The following OTUD7A variants were observed in gnomAD, a reference collection of about 807,000 sequenced individuals.
The protein encoded by OTUD7A is OTU deubiquitinase 7A, also known as OTU domain-containing protein 7A.
A neutral mutation model predicts 65.7 loss-of-function variants in OTUD7A; 12 were observed. The observed-to-expected ratio is 0.18, with a 90% confidence interval of 0.12 to 0.30. The LOEUF (loss-of-function observed/expected upper bound fraction) is 0.30. OTUD7A is among the 10% of genes least tolerant of loss of function. OTUD7A has a pLI of 1.00. For synonymous variants in OTUD7A, 641 were observed against 586.3 expected (o/e 1.09, Z -1.35); for missense variants, 1,148 against 1,304.8 (o/e 0.88, Z 1.85).
intron 8 of OTUD7A, among the ~76,000 whole-genome samples, chr15:31,523,637 T>C (rs1318388229): frequency 6.6e-6 from 1 of 152,230 alleles, no homozygotes; most frequent in Non-Finnish European, 1.5e-5. Context: ...TACGGCCCCA[T>C]GTCCTGGCCT....
chr15:31,533,383 G>T (rs1213513065), intron 5 of OTUD7A, among the ~76,000 whole-genome samples: 3 of 151,824 alleles, frequency 2.0e-5, no homozygotes, highest in Non-Finnish European at 4.4e-5. Context: ...ACACAGACAT[G>T]CACCACCAAA....
At chr15:31,565,624 A>C (rs953782025) in intron 4 of OTUD7A, among the ~76,000 whole-genome samples, 5 of 152,236 alleles carry the variant, frequency 3.3e-5, no homozygotes, top group Admixed American at 6.5e-5. Flanking sequence ...AAAAAGGAAA[A>C]GCATAGCAAT....
chr15:31,759,855 T>C (rs7166008), intron 1 of OTUD7A, among the ~76,000 whole-genome samples: 104,877 of 151,920 alleles, frequency 0.69, 36,747 homozygotes, highest in South Asian at 0.8. Context: ...ATAATATTCA[T>C]GCTTTGTCCA....
In OTUD7A at chr15:31,478,050, G is replaced by A. The variant is rs2041050720; in HGVS notation, c.*5244C>T. On this transcript the variant is annotated 3_prime_UTR_variant, in exon 13 of 13. Coordinates refer to ENST00000307050, the MANE Select transcript of OTUD7A (RefSeq NM_001382637.1). ...GGAATGGCATGTGCAAAGGCCCTGA[G>A]GCAGGAGGGTGCCTGTGACTAGAAA... 1 of 152,332 alleles carries A rather than the reference G, an allele frequency of 6.6e-6. No homozygotes were observed. Among genetic ancestry groups the A allele is most frequent in the South Asian group, 2.1e-4 (1 of 4,828 alleles). The allele number at this position is 152,332 out of a possible 1,614,324, so 9.4% of individuals were successfully genotyped here. A position where few individuals can be genotyped will look rare whatever the true frequency, so the allele number is the denominator to read the frequency against.
intron 1 of OTUD7A, among the ~76,000 whole-genome samples, chr15:31,835,513 C>A (rs1163143395): frequency 6.6e-6 from 1 of 152,140 alleles, no homozygotes; most frequent in Non-Finnish European, 1.5e-5. Context: ...ATAATAAGTA[C>A]AAGGCAGCCA....
intron 3 of OTUD7A, among the ~76,000 whole-genome samples, chr15:31,610,348 A>G (rs998482375): frequency 2.0e-5 from 3 of 151,984 alleles, no homozygotes; most frequent in Non-Finnish European, 4.4e-5. Flanking sequence ...TGGCAACACA[A>G]TAAGAGTGGG....
intron 8 of OTUD7A, among the ~76,000 whole-genome samples, chr15:31,510,345 C>G (rs1486824677): frequency 6.6e-6 from 1 of 151,454 alleles, no homozygotes. Context: ...TTTTGGTGTG[C>G]CTGGCTGTCT....
chr15:31,640,082 T>C (rs1332630929), intron 3 of OTUD7A, among the ~76,000 whole-genome samples: 22 of 152,250 alleles, frequency 1.4e-4, no homozygotes. Context: ...AATCTTTTCC[T>C]AAGACAAGGT....
intron 1 of OTUD7A, among the ~76,000 whole-genome samples, chr15:31,685,938 A>C (rs986993402): frequency 2.0e-5 from 3 of 151,130 alleles, no homozygotes; most frequent in Non-Finnish European, 4.4e-5. Context: ...GCAAGCCCCC[A>C]GGGGATTTAA....
chr15:31,634,520 C>T (rs1415982078), intron 3 of OTUD7A, among the ~76,000 whole-genome samples: 1 of 152,252 alleles, frequency 6.6e-6, no homozygotes, highest in East Asian at 1.9e-4. Context: ...CTCCACCCGT[C>T]TCCACCCACC....
chr15:31,754,154 T>C (rs1024674934), intron 1 of OTUD7A, among the ~76,000 whole-genome samples: 1 of 152,224 alleles, frequency 6.6e-6, no homozygotes, highest in African/African-American at 2.4e-5. Context: ...TGTTGGCCAT[T>C]TGTATATCTT....
chr15:31,691,605 TAAATATAAGACCTA>T (rs1892963859), intron 1 of OTUD7A, among the ~76,000 whole-genome samples: 1 of 147,664 alleles, frequency 6.8e-6, no homozygotes, highest in Non-Finnish European at 1.5e-5. Context: ...ATTAAAGGCT[TAAATATAAGACCTA>T]AAATTATGGA....
chr15:31,839,656 C>T (rs756418432), intron 1 of OTUD7A, among the ~76,000 whole-genome samples: 2 of 152,130 alleles, frequency 1.3e-5, no homozygotes, highest in African/African-American at 2.4e-5. Context: ...AGGGACATCC[C>T]GGCTCCATTG....
intron 1 of OTUD7A, among the ~76,000 whole-genome samples, chr15:31,831,093 A>G (rs1873500569): frequency 6.6e-6 from 1 of 152,188 alleles, no homozygotes; most frequent in African/African-American, 2.4e-5. Flanking sequence ...ATGCTGAAAA[A>G]TTTGGGTATC....
At position 31,592,902 on chromosome 15, in the gene OTUD7A, AAAAT is replaced by A. The variant is rs1889778906; in HGVS notation, c.152-22709_152-22706del. On this transcript the variant is annotated intron_variant, in intron 3 of 12. Transcript: ENST00000307050. The stretch of plus-strand genomic sequence containing the variant: ...CTCAAAAAAAAAAAAAAAAAAAAAA[AAAAT>A]ATATATATATATATATATATATATA... 2.3e-4 allele frequency among the ~76,000 whole-genome samples: 11 copies of A among 47,328 alleles called. 1 individual carries two copies. The highest frequency in any genetic ancestry group is 3.4e-4 in the Non-Finnish European group (10 of 29,776). The allele number at this position is 47,328 out of a possible 152,430, so 31.0% of individuals were successfully genotyped here. A position where few individuals can be genotyped will look rare whatever the true frequency, so the allele number is the denominator to read the frequency against.
chr15:31,594,822 G>A lies in OTUD7A; in HGVS notation c.152-24625C>T, dbSNP rs537221462. Among the ~76,000 whole-genome samples the A allele has an allele frequency of 9.8e-4, 150 of 152,336 alleles. 1 individual carries two copies. The highest frequency in any genetic ancestry group is 3.3e-3 in the African/African-American group (139 of 41,574). ...GATGAGGGTGGTGACAGGGATGGGT[G>A]CAGGTGCAGAACCCACTGTGCTGTG... On this transcript the variant is annotated intron_variant, in intron 3 of 12. Transcript: ENST00000307050.
At position 31,570,181 on chromosome 15, in the gene OTUD7A, C is replaced by T. The variant is rs1889004827; in HGVS notation, c.168G>A (p.Leu56=). The change falls in exon 4 of 13, where the codon CTG becomes CTA. Residue 56 remains leucine, a synonymous_variant. Transcript: ENST00000307050. The stretch of plus-strand genomic sequence containing the variant: ...GCTCATAGTCGCTCAGAGCGGCTGT[C>T]AGGTCCCAGTTTTTGCCTGTGGACA... ...RDLLEGKNWD[L]TAALSDYEQL... is the part of the protein sequence containing the mutation. 1.2e-6 allele frequency: 2 copies of T among 1,614,016 alleles called. No individual in the cohort carries two copies. Among genetic ancestry groups the T allele is most frequent in the Non-Finnish European group, 8.5e-7 (1 of 1,180,000 alleles).
chr15:31,481,062 T>C lies in OTUD7A; in HGVS notation c.*2232A>G, dbSNP rs1365881990. 2.0e-5 allele frequency: 3 copies of C among 152,270 alleles called. No homozygotes were observed. Among genetic ancestry groups the C allele is most frequent in the African/African-American group, 4.8e-5 (2 of 41,470 alleles). The allele number at this position is 152,270 out of a possible 1,614,324, so 9.4% of individuals were successfully genotyped here. ...ACAATGGACGGTTTTTATTCTGTTT[T>C]ATTTTTTTATTTTTTAAATTAGACA... is the stretch of plus-strand genomic sequence containing the variant. On this transcript the variant is annotated 3_prime_UTR_variant, in exon 13 of 13. Transcript: ENST00000307050.
At chr15:31,866,497 C>T (rs1346877266) in intron 1 of OTUD7A, among the ~76,000 whole-genome samples, 1 of 152,198 alleles carries the variant, frequency 6.6e-6, no homozygotes, top group African/African-American at 2.4e-5. Flanking sequence ...TGATGAAGAA[C>T]ACCATTCCAA....
Sources: allele counts gnomAD v4.1 joint callset (sites outside exome capture counted in the v4.1 genomes callset), GRCh38; gene constraint gnomAD v4.1.1; transcripts MANE v1.5; gene names NCBI Gene and HGNC (gene_info 2026-07-23, HGNC 2026-07-21).